The following NRG1 variants were observed in gnomAD, a reference collection of about 807,000 sequenced individuals.
NRG1 encodes the protein pro-neuregulin-1, membrane-bound isoform.
Under a neutral mutation model 63.8 loss-of-function variants are expected in NRG1, and 18 were observed. The ratio of observed to expected loss-of-function variants is 0.28; its 90% CI spans 0.19 to 0.42. NRG1 has a LOEUF of 0.42. Among genes scored for constraint, NRG1 ranks in the 10% least tolerant of loss-of-function variants. NRG1 has a pLI of 1.00. For synonymous variants in NRG1, 302 were observed against 301.3 expected (o/e 1.00, Z -0.02); for missense variants, 762 against 814.7 (o/e 0.94, Z 0.79).
intron 7 of NRG1, among the ~76,000 whole-genome samples, chr8:32,745,223 C>T (rs1409856450): frequency 6.6e-6 from 1 of 152,084 alleles, no homozygotes; most frequent in African/African-American, 2.4e-5. Context: ...AGAATGTCAC[C>T]ATAGTGACCG....
chr8:32,549,940 G>A (rs1318798355), intron 1 of NRG1, among the ~76,000 whole-genome samples: 2 of 152,180 alleles, frequency 1.3e-5, no homozygotes, highest in Admixed American at 6.5e-5. Flanking sequence ...ATTTCATGAA[G>A]CACTTCTGCA....
intron 1 of NRG1, among the ~76,000 whole-genome samples, chr8:32,477,517 G>T (rs1333702452): frequency 6.6e-6 from 1 of 152,166 alleles, no homozygotes. Flanking sequence ...TGATAGGAAG[G>T]TATATTAACA....
chr8:32,416,077 A>G (rs10102442), intron 1 of NRG1, among the ~76,000 whole-genome samples: 146,791 of 152,310 alleles, frequency 0.96, 70,954 homozygotes, highest in East Asian at 1. Context: ...GCCTGCTTAG[A>G]TTTAAATGAC....
chr8:32,605,945 T>C (rs1845185838), intron 3 of NRG1, among the ~76,000 whole-genome samples: 1 of 151,946 alleles, frequency 6.6e-6, no homozygotes, highest in South Asian at 2.1e-4. Context: ...GTTGGGTTGC[T>C]AAAATATAGG....
chr8:32,717,604 CA>C (rs1564017658), intron 5 of NRG1, among the ~76,000 whole-genome samples: 1 of 152,138 alleles, frequency 6.6e-6, no homozygotes, highest in Non-Finnish European at 1.5e-5. Context: ...TTCCGTGCAG[CA>C]ATTTCTGGCC....
chr8:32,730,774 A>G (rs552939795), intron 6 of NRG1, among the ~76,000 whole-genome samples: 2 of 152,306 alleles, frequency 1.3e-5, no homozygotes, highest in South Asian at 4.1e-4. Flanking sequence ...AGAAGCTGAG[A>G]ATTGTAATCT....
intron 1 of NRG1, among the ~76,000 whole-genome samples, chr8:31,961,878 A>C (rs1485006669): frequency 6.6e-6 from 1 of 152,198 alleles, no homozygotes; most frequent in African/African-American, 2.4e-5. Context: ...ATAAAAGATA[A>C]AATTAAATTT....
At chr8:31,829,919 G>A (rs1282089795) in intron 1 of NRG1, among the ~76,000 whole-genome samples, 2 of 152,160 alleles carry the variant, frequency 1.3e-5, no homozygotes, top group Non-Finnish European at 1.5e-5. Flanking sequence ...TTTTCTATTC[G>A]AGAAAGTGGA....
At chr8:32,240,115 G>A (rs1040612006) in intron 1 of NRG1, among the ~76,000 whole-genome samples, 6 of 152,094 alleles carry the variant, frequency 3.9e-5, no homozygotes, top group Non-Finnish European at 8.8e-5. Flanking sequence ...ATTAATAGCT[G>A]TTTTATTTGT....
At chr8:32,466,646 A>C (rs963222674) in intron 1 of NRG1, among the ~76,000 whole-genome samples, 1 of 152,134 alleles carries the variant, frequency 6.6e-6, no homozygotes, top group African/African-American at 2.4e-5. Flanking sequence ...ATTAGTCCTC[A>C]TATCAGGAAT....
intron 5 of NRG1, among the ~76,000 whole-genome samples, chr8:32,674,499 C>G (rs2439314): frequency 0.97 from 146,942 of 152,194 alleles, 71,164 homozygotes; most frequent in East Asian, 1. Flanking sequence ...CCACTAAATT[C>G]GTATATGACA....
chr8:32,261,459 T>C (rs770201012), intron 1 of NRG1, among the ~76,000 whole-genome samples: 3 of 152,050 alleles, frequency 2.0e-5, no homozygotes, highest in Admixed American at 6.6e-5. Flanking sequence ...AGGCTTTTCT[T>C]ACTAGCCTTT....
chr8:31,819,604 T>C (rs988470515), intron 1 of NRG1, among the ~76,000 whole-genome samples: 18 of 152,314 alleles, frequency 1.2e-4, no homozygotes, highest in African/African-American at 4.3e-4. Context: ...TTTGGAAGAA[T>C]TAAAGGGAAT....
At chr8:32,369,165 T>C (rs1808472108) in intron 1 of NRG1, among the ~76,000 whole-genome samples, 2 of 152,350 alleles carry the variant, frequency 1.3e-5, no homozygotes, top group Admixed American at 1.3e-4. Flanking sequence ...GCCTCCTCCT[T>C]ACAGGCTTCT....
intron 1 of NRG1, among the ~76,000 whole-genome samples, chr8:32,047,403 G>A (rs942301545): frequency 2.0e-5 from 3 of 151,988 alleles, no homozygotes; most frequent in Non-Finnish European, 4.4e-5. Flanking sequence ...TACTCTAGAA[G>A]AAATATGGTT....
chr8:31,769,293 A>G (rs535130352), intron 1 of NRG1, among the ~76,000 whole-genome samples: 2 of 152,182 alleles, frequency 1.3e-5, no homozygotes, highest in Non-Finnish European at 2.9e-5. Context: ...AAGGTTGCCT[A>G]TCTCATTGTC....
In NRG1 at chr8:31,875,574, G is replaced by A. The variant is rs138013019; in HGVS notation, c.37+236143G>A. On this transcript the variant is annotated intron_variant, in intron 1 of 10. Transcript: ENST00000519301. ...GAGATCATGCATCGAGGTGGCGGGC[G>A]ATGCCTTCAGTGGGTTCTCTTTTCT... 3.8e-3 allele frequency among the ~76,000 whole-genome samples: 584 copies of A among 152,238 alleles called. 1 individual carries two copies. The highest frequency in any genetic ancestry group is 0.024 in the Middle Eastern group (7 of 294).
intron 1 of NRG1, among the ~76,000 whole-genome samples, chr8:32,072,278 T>G (rs1825863882): frequency 6.8e-6 from 1 of 147,916 alleles, no homozygotes. Context: ...CAAAACCTTG[T>G]GATTGAAAAA....
rs1462495234 is a variant in NRG1, at chr8:32,548,830, G to A, written c.100+4G>A. On this transcript the variant is annotated splice_donor_region_variant and intron_variant, in intron 1 of 11. Transcript: ENST00000356819. ...GCGGCGGGCAGCCAGAGCCCAGGTGGGTGCGCAGCGCGGCCCGGGCCCCAC... is the reference window on the plus strand; with the variant it reads ...GCGGCGGGCAGCCAGAGCCCAGGTGAGTGCGCAGCGCGGCCCGGGCCCCAC... 3 of 1,558,266 alleles carry A rather than the reference G, an allele frequency of 1.9e-6. No individual in the cohort carries two copies. The African/African-American group carries it at 4.1e-5, about 21-fold the overall frequency.
Sources: allele counts gnomAD v4.1 joint callset (sites outside exome capture counted in the v4.1 genomes callset), GRCh38; gene constraint gnomAD v4.1.1; transcripts MANE v1.5; gene names NCBI Gene and HGNC (gene_info 2026-07-23, HGNC 2026-07-21).